ARHGEF3: variants seen among roughly 807,000 people sequenced by gnomAD.
ARHGEF3 encodes Rho guanine nucleotide exchange factor 3, also known as 59.8 kDA protein.
ARHGEF3 carries 28 observed loss-of-function variants against 63.2 expected under a neutral mutation model. That is an observed-to-expected ratio of 0.44 (90% CI 0.33 to 0.61). The LOEUF (loss-of-function observed/expected upper bound fraction) is 0.61. Among genes scored for constraint, ARHGEF3 ranks in the 20% least tolerant of loss-of-function variants. The pLI is 0.03. For synonymous variants in ARHGEF3, 266 were observed against 254.2 expected, an observed-to-expected ratio of 1.05 and a Z score of -0.44; for missense variants, 533 against 659.3, an observed-to-expected ratio of 0.81 and a Z score of 2.10.
Position 56,868,389 on chromosome 3 carries a change from C to T in ARHGEF3, c.192+13903G>A, listed in dbSNP as rs542299189. On this transcript the variant is annotated intron_variant, in intron 4 of 12. Coordinates refer to the ARHGEF3 transcript ENST00000338458. ...TTTTTTTTTTTTCGAGACAGAGTCT[C>T]GCTCTGTCACCCAGGCTGGAGTGCA... is the stretch of plus-strand genomic sequence containing the variant. Among the ~76,000 whole-genome samples, 5 of 149,270 alleles carry T rather than the reference C, an allele frequency of 3.3e-5. No homozygotes were observed. In the South Asian group the frequency reaches 6.3e-4, roughly 19 times the overall value.
rs368714874 is a variant in ARHGEF3, at chr3:56,951,344, C to A, written c.129+7479G>T. 2.6e-5 allele frequency among the ~76,000 whole-genome samples: 4 copies of A among 151,748 alleles called. No individual in the cohort carries two copies. The South Asian group carries it at 8.4e-4, about 32-fold the overall frequency. ...CAGCCACCCCAGCCTTCAGTAACCA[C>A]CACCCTGATCCATCAGCAGCCATCA... On this transcript the variant is annotated intron_variant, in intron 3 of 12. Transcript: ENST00000338458.
intron 2 of ARHGEF3, among the ~76,000 whole-genome samples, chr3:57,022,753 A>G (rs1703311110): frequency 6.6e-6 from 1 of 151,720 alleles, no homozygotes; most frequent in African/African-American, 2.4e-5. Flanking sequence ...TTTGCCAACA[A>G]AGGAAGAGAG....
At chr3:56,906,308 C>T (rs147318071) in intron 3 of ARHGEF3, among the ~76,000 whole-genome samples, 10 of 152,286 alleles carry the variant, frequency 6.6e-5, no homozygotes, top group East Asian at 1.9e-4. Flanking sequence ...CCATATGAGA[C>T]GGAGCAGATA....
chr3:56,728,073 C>T lies in ARHGEF3; in HGVS notation c.*1197G>A, dbSNP rs1391379384. 3 of 152,636 alleles carry T rather than the reference C, an allele frequency of 2.0e-5. No individual in the cohort carries two copies. Among genetic ancestry groups the T allele is most frequent in the Admixed American group, 6.5e-5 (1 of 15,270 alleles). 9.5% of individuals were successfully genotyped at this position (152,636 alleles called of 1,614,324 possible). On this transcript the variant is annotated 3_prime_UTR_variant, in exon 10 of 10. Coordinates refer to ENST00000296315, the MANE Select transcript of ARHGEF3 (RefSeq NM_019555.3). ...GGTACTTAGCTGTTTTTAAGGTCTG[C>T]ACTTTACCCTGCACTGTAAATCAAG...
intron 1 of ARHGEF3, among the ~76,000 whole-genome samples, chr3:57,077,354 G>A (rs1286492263): frequency 1.3e-5 from 2 of 152,188 alleles, no homozygotes; most frequent in African/African-American, 4.8e-5. Context: ...CAGAAGTTCA[G>A]AGTCCACTTT....
chr3:56,770,873 A>C (rs1412411267), intron 2 of ARHGEF3, among the ~76,000 whole-genome samples: 1 of 152,174 alleles, frequency 6.6e-6, no homozygotes, highest in African/African-American at 2.4e-5. Context: ...GCACTTTGGG[A>C]GGCCGAGGCA....
intron 7 of ARHGEF3, among the ~76,000 whole-genome samples, chr3:56,744,516 A>G (rs1192326839): frequency 1.3e-5 from 2 of 149,756 alleles, no homozygotes; most frequent in African/African-American, 4.9e-5. Flanking sequence ...CTTGTGCCTC[A>G]CCTTCCTGAG....
chr3:57,006,222 A>G (rs1702461642), intron 2 of ARHGEF3, among the ~76,000 whole-genome samples: 1 of 152,212 alleles, frequency 6.6e-6, no homozygotes, highest in African/African-American at 2.4e-5. Context: ...CCAGTCATGC[A>G]TTAAAGTAAC....
At chr3:56,916,288 G>C (rs757500093) in intron 3 of ARHGEF3, 1 of 1,534,250 alleles carries the variant, frequency 6.5e-7, no homozygotes, top group Non-Finnish European at 8.7e-7. Flanking sequence ...CCCATCCCAG[G>C]CTCAGCAGCA....
intron 4 of ARHGEF3, among the ~76,000 whole-genome samples, chr3:56,858,985 A>G (rs1287461261): frequency 6.6e-6 from 1 of 152,164 alleles, no homozygotes; most frequent in African/African-American, 2.4e-5. Flanking sequence ...TTAAATGGCG[A>G]AGACAAAAAC....
chr3:56,819,515 T>TTG (rs1010855314), intron 4 of ARHGEF3, among the ~76,000 whole-genome samples: 5 of 149,938 alleles, frequency 3.3e-5, no homozygotes, highest in African/African-American at 1.3e-4. Context: ...GTGGCAGTTT[T>TTG]TTTTTTTTTT....
chr3:56,801,790 G>C lies in ARHGEF3; in HGVS notation c.9C>G (p.Ala3=). Residue 3 remains alanine (A), a synonymous_variant, in exon 1 of 10, where the codon GCC becomes GCG. Coordinates refer to ENST00000296315, the MANE Select transcript of ARHGEF3 (RefSeq NM_019555.3). ...CCGTGAGGTAGAAGGGGTAATCCTT[G>C]GCCACCATGGCGGCTGCCGGGCCTG... The part of the protein sequence containing the change: MV[A]KDYPFYLTVK... 5 of 1,562,108 alleles carry C rather than the reference G, an allele frequency of 3.2e-6. No individual in the cohort carries two copies. The highest frequency in any genetic ancestry group is 4.3e-6 in the Non-Finnish European group (5 of 1,152,026).
upstream of ARHGEF3, among the ~76,000 whole-genome samples, chr3:56,802,426 TTTTTGTTTGG>T (rs1309590889): frequency 2.0e-5 from 3 of 152,162 alleles, no homozygotes; most frequent in Non-Finnish European, 4.4e-5. Flanking sequence ...TTTTGTTTTG[TTTTTGTTTGG>T]TTTTTTAAAT....
At position 56,963,749 on chromosome 3, in the gene ARHGEF3, TC is replaced by T. The variant is rs555530923; in HGVS notation, c.63-4861del. On this transcript the variant is annotated intron_variant, in intron 2 of 12. Transcript: ENST00000338458. ...TACCACCTGTGCCAGGTATTTTTAT[TC>T]TGATTGAACCACTTAAGAAGATAAT... Among the ~76,000 whole-genome samples the T allele has an allele frequency of 2.3e-3, 356 of 152,324 alleles. 12 individuals carry two copies. The highest frequency in any genetic ancestry group is 0.023 in the Admixed American group (351 of 15,308).
intron 4 of ARHGEF3, among the ~76,000 whole-genome samples, chr3:56,864,718 G>T (rs976149406): frequency 1.3e-5 from 2 of 152,032 alleles, no homozygotes; most frequent in African/African-American, 2.4e-5. Flanking sequence ...TACATGTAAG[G>T]TCCTCAAGGA....
At chr3:56,963,955 T>C (rs991577854) in intron 2 of ARHGEF3, among the ~76,000 whole-genome samples, 1 of 152,148 alleles carries the variant, frequency 6.6e-6, no homozygotes, top group African/African-American at 2.4e-5. Flanking sequence ...CAAAGGGACA[T>C]CCCAATAACA....
chr3:56,960,475 T>G (rs1460126405), intron 2 of ARHGEF3: 1 of 152,246 alleles, frequency 6.6e-6, no homozygotes, highest in Non-Finnish European at 1.5e-5. Flanking sequence ...ATACCCTCTG[T>G]GTTGAGTCAA....
At chr3:56,843,861 G>A (rs781569358) in intron 4 of ARHGEF3, among the ~76,000 whole-genome samples, 6 of 152,122 alleles carry the variant, frequency 3.9e-5, no homozygotes, top group Non-Finnish European at 5.9e-5. Context: ...ATACATGAAT[G>A]GCAATTTGAG....
At chr3:56,975,169 T>G (rs1005186573) in intron 2 of ARHGEF3, among the ~76,000 whole-genome samples, 7 of 152,018 alleles carry the variant, frequency 4.6e-5, no homozygotes, top group African/African-American at 1.4e-4. Flanking sequence ...TGTAATCCCA[T>G]CACTCTGGGA....
Sources: gnomAD v4.1 joint callset for allele counts (sites outside exome capture counted in the v4.1 genomes callset) on GRCh38, gnomAD v4.1.1 for gene constraint, MANE v1.5 for transcripts, NCBI Gene and HGNC (gene_info 2026-07-23, HGNC 2026-07-21) for gene names.